The following VTI1A variants were observed in gnomAD, a reference collection of about 807,000 sequenced individuals.
VTI1A encodes vesicle transport through interaction with t-SNAREs 1A.
A neutral mutation model predicts 34.9 loss-of-function variants in VTI1A; 22 were observed. The ratio of observed to expected loss-of-function variants is 0.63; its 90% CI spans 0.45 to 0.90. The LOEUF is 0.90. Ranked by LOEUF, VTI1A falls within the 40% of genes least tolerant of loss-of-function variation. The pLI, the probability that VTI1A is intolerant of heterozygous loss-of-function variation, is 0.00. For missense variants in VTI1A, 268 were observed against 275.6 expected (o/e 0.97, Z 0.20); for synonymous variants, 87 against 97.3 (o/e 0.89, Z 0.62).
chr10:112,551,469 C>T (rs1339461627), intron 5 of VTI1A, among the ~76,000 whole-genome samples: 1 of 151,954 alleles, frequency 6.6e-6, no homozygotes, highest in Non-Finnish European at 1.5e-5. Context: ...TACTGCCTTA[C>T]ATTATTATTA....
chr10:112,769,948 G>A (rs558439290), intron 7 of VTI1A, among the ~76,000 whole-genome samples: 1 of 152,230 alleles, frequency 6.6e-6, no homozygotes, highest in Non-Finnish European at 1.5e-5. Context: ...TCCACCCCAT[G>A]GTTGCCATAG....
chr10:112,499,175 A>G (rs1224432120), intron 3 of VTI1A, among the ~76,000 whole-genome samples: 1 of 152,214 alleles, frequency 6.6e-6, no homozygotes, highest in Non-Finnish European at 1.5e-5. Context: ...TATTGCTTGC[A>G]ATACTATGAT....
At chr10:112,496,595 A>T (rs561249450) in intron 3 of VTI1A, among the ~76,000 whole-genome samples, 10 of 152,234 alleles carry the variant, frequency 6.6e-5, no homozygotes, top group African/African-American at 2.4e-4. Flanking sequence ...ATACATGAAG[A>T]TTATTTAAGG....
At chr10:112,483,728 T>C (rs1386751177) in intron 3 of VTI1A, among the ~76,000 whole-genome samples, 2 of 152,092 alleles carry the variant, frequency 1.3e-5, no homozygotes, top group Non-Finnish European at 2.9e-5. Flanking sequence ...GGGGCAAAAT[T>C]ATCCCTGGTT....
chr10:112,565,432 G>A (rs1851875828), intron 5 of VTI1A, among the ~76,000 whole-genome samples: 1 of 152,056 alleles, frequency 6.6e-6, no homozygotes, highest in Non-Finnish European at 1.5e-5. Context: ...AATTTTAAAA[G>A]ACTTATTTAT....
intron 5 of VTI1A, among the ~76,000 whole-genome samples, chr10:112,602,352 G>A (rs959481512): frequency 2.0e-5 from 3 of 152,102 alleles, no homozygotes; most frequent in Non-Finnish European, 2.9e-5. Flanking sequence ...GGGCATACCC[G>A]GGATATTGCT....
intron 4 of VTI1A, among the ~76,000 whole-genome samples, chr10:112,535,211 T>C (rs893630546): frequency 3.3e-5 from 5 of 152,198 alleles, no homozygotes; most frequent in African/African-American, 1.2e-4. Context: ...TGAATTATAA[T>C]TGGAAAAATT....
chr10:112,822,827 T>G (rs1853678305), downstream of VTI1A, among the ~76,000 whole-genome samples: 1 of 152,210 alleles, frequency 6.6e-6, no homozygotes, highest in Non-Finnish European at 1.5e-5. Context: ...AGCAGATTTA[T>G]TCATTCATTC....
At chr10:112,765,799 T>A (rs1251855631) in intron 7 of VTI1A, among the ~76,000 whole-genome samples, 2 of 152,200 alleles carry the variant, frequency 1.3e-5, no homozygotes, top group Middle Eastern at 3.2e-3. Flanking sequence ...GGAGGGATTG[T>A]TAAAACAAAG....
chr10:112,830,849 A>ATATATATTTTTT, the VTI1A span, among the ~76,000 whole-genome samples: 17 of 33,492 alleles, frequency 5.1e-4, 1 homozygote, highest in East Asian at 7.4e-3. Context: ...ATATATATAT[A>ATATATATTTTTT]TTTTTTTTTT....
intron 7 of VTI1A, among the ~76,000 whole-genome samples, chr10:112,696,446 T>C (rs1386326408): frequency 1.3e-5 from 2 of 152,194 alleles, no homozygotes; most frequent in South Asian, 2.1e-4. Flanking sequence ...GATTTCAGGA[T>C]GTGTTTACTA....
At chr10:112,501,930 C>G (rs1348584270) in intron 3 of VTI1A, among the ~76,000 whole-genome samples, 1 of 151,848 alleles carries the variant, frequency 6.6e-6, no homozygotes, top group Non-Finnish European at 1.5e-5. Flanking sequence ...ATATTATATC[C>G]TCCGTGCTGT....
chr10:112,852,756 C>T, the VTI1A span, among the ~76,000 whole-genome samples: 1 of 152,228 alleles, frequency 6.6e-6, no homozygotes, highest in East Asian at 1.9e-4. Flanking sequence ...ATAGGACTGT[C>T]TTTCTTGGTT....
chr10:112,671,193 GT>G (rs1847834121), intron 7 of VTI1A, among the ~76,000 whole-genome samples: 1 of 152,152 alleles, frequency 6.6e-6, no homozygotes, highest in African/African-American at 2.4e-5. Flanking sequence ...TGCTTTCCCT[GT>G]TACAACCCTC....
intron 3 of VTI1A, among the ~76,000 whole-genome samples, chr10:112,523,016 A>G (rs1351417996): frequency 6.6e-6 from 1 of 152,062 alleles, no homozygotes; most frequent in Admixed American, 6.6e-5. Context: ...TAGAATCCTC[A>G]TTCTGGTTAC....
At chr10:112,453,338 C>T (rs1847310151) in intron 1 of VTI1A, among the ~76,000 whole-genome samples, 1 of 152,194 alleles carries the variant, frequency 6.6e-6, no homozygotes, top group Non-Finnish European at 1.5e-5. Context: ...TACTGTTTCC[C>T]TCCCTTTTCC....
At chr10:112,610,744 G>A (rs1013803374) in intron 5 of VTI1A, among the ~76,000 whole-genome samples, 8 of 151,702 alleles carry the variant, frequency 5.3e-5, no homozygotes, top group Non-Finnish European at 8.8e-5. Context: ...GTGAAACCCC[G>A]TCTCTACTAA....
chr10:112,593,782 G>C (rs1253488084), intron 5 of VTI1A, among the ~76,000 whole-genome samples: 1 of 152,018 alleles, frequency 6.6e-6, no homozygotes, highest in African/African-American at 2.4e-5. Context: ...TGTCACTCAG[G>C]CTGGAGTGCA....
intron 7 of VTI1A, among the ~76,000 whole-genome samples, chr10:112,769,213 C>A (rs1438758421): frequency 6.6e-6 from 1 of 152,132 alleles, no homozygotes. Flanking sequence ...CCACCACAGC[C>A]CAGCTAACTT....
Sources: gnomAD v4.1 joint callset for allele counts (sites outside exome capture counted in the v4.1 genomes callset) on GRCh38, gnomAD v4.1.1 for gene constraint, MANE v1.5 for transcripts, NCBI Gene and HGNC (gene_info 2026-07-23, HGNC 2026-07-21) for gene names.